MYRIP: variants seen among roughly 807,000 people sequenced by gnomAD.
MYRIP encodes the protein myosin VIIA and Rab interacting protein.
In MYRIP, 49 loss-of-function variants were observed where a neutral mutation model predicts 98.0. That is an observed-to-expected ratio of 0.50 (90% CI 0.40 to 0.63). The LOEUF (loss-of-function observed/expected upper bound fraction) is 0.63, where lower values mean the gene tolerates loss of function less well. MYRIP is among the 30% of genes least tolerant of loss of function. The pLI is 0.00. For missense variants in MYRIP, 1,004 were observed against 1,058.2 expected (o/e 0.95, Z 0.71); for synonymous variants, 404 against 409.5 (o/e 0.99, Z 0.16).
At chr3:40,054,360 C>T (rs1310898395) in intron 3 of MYRIP, among the ~76,000 whole-genome samples, 2 of 152,184 alleles carry the variant, frequency 1.3e-5, no homozygotes, top group South Asian at 4.1e-4. Flanking sequence ...CATTTATAGC[C>T]TGATCACCAT....
intron 3 of MYRIP, among the ~76,000 whole-genome samples, chr3:40,126,559 C>T (rs1949529472): frequency 6.6e-6 from 1 of 152,156 alleles, no homozygotes; most frequent in South Asian, 2.1e-4. Flanking sequence ...GTGTTTATGT[C>T]ATTTAATCTT....
chr3:40,146,615 A>G (rs1950016274), intron 3 of MYRIP, among the ~76,000 whole-genome samples: 1 of 152,040 alleles, frequency 6.6e-6, no homozygotes, highest in South Asian at 2.1e-4. Flanking sequence ...TTGGTCTCTC[A>G]TTGCTGCTCT....
At chr3:39,942,556 C>T (rs186202065) in intron 2 of MYRIP, among the ~76,000 whole-genome samples, 12 of 152,034 alleles carry the variant, frequency 7.9e-5, no homozygotes, top group East Asian at 3.9e-4. Flanking sequence ...ATATTTTGGG[C>T]GTACAGGTGA....
At chr3:40,121,968 A>T (rs901092093) in intron 3 of MYRIP, among the ~76,000 whole-genome samples, 4 of 152,214 alleles carry the variant, frequency 2.6e-5, no homozygotes. Flanking sequence ...AAAAATATTT[A>T]AAAACAGGAA....
intron 2 of MYRIP, among the ~76,000 whole-genome samples, chr3:39,952,771 A>G (rs952741298): frequency 1.2e-4 from 18 of 152,124 alleles, no homozygotes; most frequent in African/African-American, 4.1e-4. Flanking sequence ...TTTTGCCCTC[A>G]TTTTTGAAAG....
chr3:40,226,641 G>T (rs1952500742), intron 11 of MYRIP, among the ~76,000 whole-genome samples: 1 of 152,196 alleles, frequency 6.6e-6, no homozygotes, highest in South Asian at 2.1e-4. Context: ...CTTCTTCAAG[G>T]AAAACCTTGT....
intron 13 of MYRIP, among the ~76,000 whole-genome samples, chr3:40,247,271 A>G (rs1953235734): frequency 6.6e-6 from 1 of 152,210 alleles, no homozygotes; most frequent in Non-Finnish European, 1.5e-5. Context: ...ATGTGTGCCT[A>G]TTAATTTTTC....
At chr3:40,202,035 C>A (rs1313032750) in intron 10 of MYRIP, among the ~76,000 whole-genome samples, 5 of 152,184 alleles carry the variant, frequency 3.3e-5, no homozygotes, top group Admixed American at 6.5e-5. Context: ...ACATTTGCCA[C>A]ACTGAGTGCC....
In MYRIP at chr3:40,055,512, G is replaced by T. The variant is rs573833193; in HGVS notation, c.332+11241G>T. ...GCAACAGTTGAACAGCTTGTCATGA[G>T]TTGAGGCGGGAGAAAAGCCAAAAAC... On this transcript the variant is annotated intron_variant, in intron 3 of 16. Transcript: ENST00000302541. 1.6e-3 allele frequency among the ~76,000 whole-genome samples: 246 copies of T among 152,232 alleles called. 1 individual carries two copies. Among genetic ancestry groups the T allele is most frequent in the Non-Finnish European group, 7.2e-4 (49 of 68,016 alleles).
chr3:40,159,368 T>C (rs543425435), intron 4 of MYRIP, among the ~76,000 whole-genome samples: 8 of 152,376 alleles, frequency 5.3e-5, no homozygotes, highest in Non-Finnish European at 1.2e-4. Context: ...AGATCCGCTG[T>C]TAGTCTGATG....
intron 3 of MYRIP, among the ~76,000 whole-genome samples, chr3:40,080,276 C>A (rs1417402019): frequency 2.0e-5 from 3 of 152,088 alleles, no homozygotes; most frequent in Non-Finnish European, 2.9e-5. Flanking sequence ...CTGGCACAAA[C>A]CCAGCTTGGT....
At chr3:40,067,993 T>G (rs1266332926) in intron 3 of MYRIP, among the ~76,000 whole-genome samples, 1 of 152,254 alleles carries the variant, frequency 6.6e-6, no homozygotes, top group Admixed American at 6.5e-5. Context: ...AGATGCATAT[T>G]TAATAGTCTA....
At chr3:40,234,167 T>G in intron 12 of MYRIP, 114 bp downstream of exon 12, 1 of 1,016,102 alleles carries the variant, frequency 9.8e-7, no homozygotes, top group South Asian at 2.0e-5. Context: ...CACACACCAC[T>G]ACCACTATAG....
At chr3:40,062,845 C>T (rs1346115229) in intron 3 of MYRIP, among the ~76,000 whole-genome samples, 2 of 152,080 alleles carry the variant, frequency 1.3e-5, no homozygotes, top group Admixed American at 6.6e-5. Flanking sequence ...TTTTCATTAC[C>T]TTACCTTGGA....
At chr3:40,157,058 T>A (rs1950260385) in intron 4 of MYRIP, among the ~76,000 whole-genome samples, 1 of 151,126 alleles carries the variant, frequency 6.6e-6, no homozygotes, top group Non-Finnish European at 1.5e-5. Flanking sequence ...AGAGAGGGCA[T>A]CCCTGTCTTG....
intron 3 of MYRIP, among the ~76,000 whole-genome samples, chr3:40,072,620 T>C (rs533482986): frequency 6.6e-6 from 1 of 152,266 alleles, no homozygotes; most frequent in Non-Finnish European, 1.5e-5. Context: ...TCTTTTGTGA[T>C]TTCTTCTTTA....
At chr3:39,918,180 C>T (rs1001891534) in intron 2 of MYRIP, among the ~76,000 whole-genome samples, 1 of 152,222 alleles carries the variant, frequency 6.6e-6, no homozygotes, top group Admixed American at 6.5e-5. Flanking sequence ...TCCCAGAGTG[C>T]TGGGATTACA....
chr3:40,087,756 G>A (rs1380527110), intron 3 of MYRIP, among the ~76,000 whole-genome samples: 2 of 152,212 alleles, frequency 1.3e-5, no homozygotes, highest in East Asian at 1.9e-4. Context: ...GATCCAGAAC[G>A]AGTCTGCTTC....
intron 11 of MYRIP, among the ~76,000 whole-genome samples, chr3:40,220,768 G>A (rs746513842): frequency 6.6e-6 from 1 of 152,032 alleles, no homozygotes; most frequent in Non-Finnish European, 1.5e-5. Flanking sequence ...AGGCAAAGGG[G>A]AAGCAGGCAT....
Sources: gnomAD v4.1 joint callset for allele counts (sites outside exome capture counted in the v4.1 genomes callset) on GRCh38, gnomAD v4.1.1 for gene constraint, MANE v1.5 for transcripts, NCBI Gene and HGNC (gene_info 2026-07-23, HGNC 2026-07-21) for gene names.